The following PCMT1 variants were observed in gnomAD, a reference collection of about 807,000 sequenced individuals.
PCMT1 encodes the protein protein-L-isoaspartate (D-aspartate) O-methyltransferase.
A neutral mutation model predicts 29.2 loss-of-function variants in PCMT1; 9 were observed. That is an observed-to-expected ratio of 0.31 (90% CI 0.19 to 0.54). The LOEUF (loss-of-function observed/expected upper bound fraction) is 0.54. PCMT1 is among the 20% of genes least tolerant of loss of function. The pLI is 0.95. For synonymous variants in PCMT1, 98 were observed against 97.5 expected, an observed-to-expected ratio of 1.00 and a Z score of -0.03; for missense variants, 184 against 282.2, an observed-to-expected ratio of 0.65 and a Z score of 2.49.
intron 3 of PCMT1, among the ~76,000 whole-genome samples, chr6:149,787,982 T>C (rs982066461): frequency 6.6e-6 from 1 of 152,064 alleles, no homozygotes; most frequent in African/African-American, 2.4e-5. Context: ...CAGTGGCACG[T>C]TCTCAGCTCA....
intron 1 of PCMT1, among the ~76,000 whole-genome samples, chr6:149,754,621 A>G (rs1041093591): frequency 6.6e-6 from 1 of 152,214 alleles, no homozygotes; most frequent in South Asian, 2.1e-4. Context: ...AGTTACCCCA[A>G]GTCAACTGAG....
At chr6:149,784,020 C>T (rs1442895075) in intron 3 of PCMT1, among the ~76,000 whole-genome samples, 1 of 152,122 alleles carries the variant, frequency 6.6e-6, no homozygotes, top group Non-Finnish European at 1.5e-5. Flanking sequence ...AGTCAGTGTC[C>T]TGAAGAACAG....
intron 1 of PCMT1, among the ~76,000 whole-genome samples, chr6:149,758,883 T>G (rs1233115068): frequency 6.6e-6 from 1 of 152,156 alleles, no homozygotes; most frequent in Non-Finnish European, 1.5e-5. Flanking sequence ...TGAATTTTTT[T>G]TTTCTTTTTT....
In PCMT1 at chr6:149,754,243, C is replaced by T. The variant is rs144575630; in HGVS notation, c.55+4287C>T. 1.2e-4 allele frequency among the ~76,000 whole-genome samples: 18 copies of T among 152,092 alleles called. 2 individuals carry two copies. The East Asian group carries it at 3.3e-3, about 28-fold the overall frequency. Reference sequence around the variant, plus strand: ...TAAAAAATTAACTTAATGAAATAACCACATGTATCCAGTAGTTACCATATT... The same window carrying T: ...TAAAAAATTAACTTAATGAAATAACTACATGTATCCAGTAGTTACCATATT... On this transcript the variant is annotated intron_variant, in intron 1 of 7. Transcript: ENST00000464889.
At chr6:149,784,616 C>T (rs558945730) in intron 3 of PCMT1, among the ~76,000 whole-genome samples, 129 of 152,002 alleles carry the variant, frequency 8.5e-4, no homozygotes, top group Non-Finnish European at 1.0e-3. Context: ...AGGTGTGCAC[C>T]ACCACATCCA....
Position 149,788,997 on chromosome 6 carries a change from T to C in PCMT1, c.193-957T>C, listed in dbSNP as rs762033692. Reference sequence around the variant, plus strand: ...AGAATGATGTATTAATTTATCACTATAGATTAATGGATGGGTATTTTTATC... The same window carrying C: ...AGAATGATGTATTAATTTATCACTACAGATTAATGGATGGGTATTTTTATC... On this transcript the variant is annotated intron_variant, in intron 3 of 7. Transcript: ENST00000464889. Among the ~76,000 whole-genome samples the C allele has an allele frequency of 1.2e-4, 19 of 152,080 alleles. No individual in the cohort carries two copies. The East Asian group carries it at 3.3e-3, about 26-fold the overall frequency.
chr6:149,771,931 C>T (rs1787342980), intron 2 of PCMT1: 2 of 452,320 alleles, frequency 4.4e-6, no homozygotes, highest in Non-Finnish European at 8.9e-6. Flanking sequence ...TTTTTTAAAT[C>T]AATATTTAAA....
intron 2 of PCMT1, 111 bp downstream of exon 2, chr6:149,771,377 T>G (rs1052421223): frequency 1.8e-6 from 1 of 556,732 alleles, no homozygotes; most frequent in East Asian, 3.0e-5. Context: ...CTTCTTAATT[T>G]GAATTTTATG....
At chr6:149,810,545 T>C (rs1776132746) in intron 7 of PCMT1, 71 bp from the exon 8 acceptor site, 3 of 1,133,624 alleles carry the variant, frequency 2.6e-6, no homozygotes, top group Non-Finnish European at 2.6e-6. Flanking sequence ...TAGTTGTGTC[T>C]AAACTATTAT....
chr6:149,779,865 A>G (rs1787746278), intron 3 of PCMT1, among the ~76,000 whole-genome samples: 1 of 151,982 alleles, frequency 6.6e-6, no homozygotes, highest in Admixed American at 6.6e-5. Flanking sequence ...ACCAGTATCT[A>G]GCATGGTTGG....
At chr6:149,801,335 A>G (rs919098472) in intron 6 of PCMT1, among the ~76,000 whole-genome samples, 4 of 152,212 alleles carry the variant, frequency 2.6e-5, no homozygotes, top group Non-Finnish European at 5.9e-5. Context: ...GACTTGCCAC[A>G]TGAGGTCAGG....
At chr6:149,754,266 A>G (rs891825772) in intron 1 of PCMT1, among the ~76,000 whole-genome samples, 2 of 152,226 alleles carry the variant, frequency 1.3e-5, no homozygotes, top group Admixed American at 1.3e-4. Flanking sequence ...TAGTTACCAT[A>G]TTGGACAGCA....
intron 1 of PCMT1, among the ~76,000 whole-genome samples, chr6:149,755,185 C>T (rs1786461342): frequency 6.6e-6 from 1 of 152,034 alleles, no homozygotes; most frequent in Non-Finnish European, 1.5e-5. Flanking sequence ...TCAGGAGGAT[C>T]GCTTCAGTCC....
In PCMT1 at chr6:149,776,600, CAG is replaced by C. The variant is rs749380841; in HGVS notation, c.192+3432_192+3433del. ...CCATTAAAATTTTTTTTTGTAGAGACAGGGCCTCACTTTGTTACCCCAGGTTG... is the reference window on the plus strand; with the variant it reads ...CCATTAAAATTTTTTTTTGTAGAGACGGCCTCACTTTGTTACCCCAGGTTG... On this transcript the variant is annotated intron_variant, in intron 3 of 7. Coordinates refer to ENST00000464889, the MANE Select transcript of PCMT1 (RefSeq NM_001360452.2). Among the ~76,000 whole-genome samples the C allele has an allele frequency of 8.3e-4, 126 of 152,070 alleles. 2 individuals carry two copies. The East Asian group carries it at 0.021, about 25-fold the overall frequency.
At position 149,795,870 on chromosome 6, in the gene PCMT1, G is replaced by A. The variant is rs1242335642; in HGVS notation, c.419-545G>A. 3.2e-5 allele frequency: 6 copies of A among 187,222 alleles called. No homozygotes were observed. The Admixed American group carries it at 3.6e-4, about 11-fold the overall frequency. 11.6% of individuals were successfully genotyped at this position (187,222 alleles called of 1,614,324 possible). On this transcript the variant is annotated intron_variant, in intron 5 of 7. Transcript: ENST00000464889. ...ATCTTGGGCTTATTTGAATGATTAGGATGAGATTTAAAACAGAACTTTTCA... is the reference window on the plus strand; with the variant it reads ...ATCTTGGGCTTATTTGAATGATTAGAATGAGATTTAAAACAGAACTTTTCA...
intron 2 of PCMT1, among the ~76,000 whole-genome samples, chr6:149,771,591 A>C (rs532931432): frequency 6.6e-4 from 100 of 152,358 alleles, no homozygotes; most frequent in African/African-American, 2.1e-3. Context: ...ATATCGGCTC[A>C]CTGCAACCTT....
At position 149,794,828 on chromosome 6, in the gene PCMT1, C is replaced by G. The variant is rs954201138; in HGVS notation, c.418+1159C>G. On this transcript the variant is annotated intron_variant, in intron 5 of 7. Transcript: ENST00000464889. ...GGGACATGAGAGATCAAGAGATAGA[C>G]GAAGGTCAAGTGACAGATCACGGGA... 5 of 488,576 alleles carry G rather than the reference C, an allele frequency of 1.0e-5. No individual in the cohort carries two copies. In the Admixed American group the frequency reaches 1.1e-4, roughly 11 times the overall value. The allele number at this position is 488,576 out of a possible 1,614,324, so 30.3% of individuals were successfully genotyped here.
chr6:149,750,255 C>A, intron 1 of PCMT1: 1 of 409,114 alleles, frequency 2.4e-6, no homozygotes, highest in East Asian at 4.0e-5. Context: ...GGTGATGCTG[C>A]TGTCACTCAG....
intron 5 of PCMT1, chr6:149,796,204 A>G: frequency 5.1e-6 from 2 of 394,434 alleles, no homozygotes; most frequent in South Asian, 1.2e-4. Context: ...CCAGTTTTTC[A>G]TCAAAATAAA....
Sources: gnomAD v4.1 joint callset for allele counts (sites outside exome capture counted in the v4.1 genomes callset) on GRCh38, gnomAD v4.1.1 for gene constraint, MANE v1.5 for transcripts, NCBI Gene and HGNC (gene_info 2026-07-23, HGNC 2026-07-21) for gene names.